RANBP2: variants seen among roughly 807,000 people sequenced by gnomAD.
RANBP2 encodes E3 SUMO-protein ligase RanBP2.
RANBP2 carries 57 observed loss-of-function variants against 303.6 expected under a neutral mutation model. That is an observed-to-expected ratio of 0.19 (90% CI 0.15 to 0.23). The LOEUF (loss-of-function observed/expected upper bound fraction) is 0.23, where lower values mean the gene tolerates loss of function less well. RANBP2 is among the 10% of genes least tolerant of loss of function. The pLI, the probability that RANBP2 is intolerant of heterozygous loss-of-function variation, is 1.00. For synonymous variants in RANBP2, 1,167 were observed against 1,301.5 expected (o/e 0.90, Z 2.23); for missense variants, 3,138 against 3,780.8 (o/e 0.83, Z 4.46).
chr2:109,430,682 T>C, the RANBP2 span, among the ~76,000 whole-genome samples: 3 of 152,210 alleles, frequency 2.0e-5, no homozygotes, highest in African/African-American at 7.2e-5. Context: ...TCCTCTATGG[T>C]GATGGGAACA....
At chr2:109,719,597 G>A in the RANBP2 span, among the ~76,000 whole-genome samples, 1 of 151,768 alleles carries the variant, frequency 6.6e-6, no homozygotes, top group Non-Finnish European at 1.5e-5. Flanking sequence ...AGTAGAGATG[G>A]GGTTTCACCG....
the RANBP2 span, among the ~76,000 whole-genome samples, chr2:109,586,917 A>C: frequency 5.3e-5 from 8 of 152,328 alleles, no homozygotes; most frequent in East Asian, 1.4e-3. Flanking sequence ...CTGTTAGAAC[A>C]AAGTTCAAGA....
the RANBP2 span, among the ~76,000 whole-genome samples, chr2:109,620,250 G>GT: frequency 2.6e-5 from 4 of 152,138 alleles, no homozygotes; most frequent in Non-Finnish European, 4.4e-5. Context: ...TATGTGAATA[G>GT]TTTTTTTATA....
the RANBP2 span, among the ~76,000 whole-genome samples, chr2:109,271,228 G>A: frequency 0.02 from 3,048 of 152,178 alleles, 92 homozygotes; most frequent in African/African-American, 0.07. Context: ...AAGCAACAGG[G>A]AACCAGGAAT....
At chr2:109,613,946 T>A in the RANBP2 span, 6 of 1,112,458 alleles carry the variant, frequency 5.4e-6, no homozygotes, top group South Asian at 4.3e-5. Context: ...GAGGCTAGGC[T>A]GCCTCCGCGA....
the RANBP2 span, among the ~76,000 whole-genome samples, chr2:108,962,698 A>ATG: frequency 7.9e-6 from 1 of 126,034 alleles, no homozygotes; most frequent in Non-Finnish European, 1.6e-5. Flanking sequence ...AAAAAAAAAA[A>ATG]AAAGAGAGAA....
At chr2:108,894,998 C>CTAA in the RANBP2 span, 1 of 150,492 alleles carries the variant, frequency 6.6e-6, no homozygotes, top group African/African-American at 2.5e-5. Flanking sequence ...CATTTGCAGT[C>CTAA]TAATTAAGGG....
the RANBP2 span, among the ~76,000 whole-genome samples, chr2:109,590,403 C>A: frequency 6.6e-6 from 1 of 151,598 alleles, no homozygotes; most frequent in African/African-American, 2.4e-5. Context: ...CCTGGTTGGG[C>A]CTGACCTAAT....
chr2:109,005,292 G>C, the RANBP2 span, among the ~76,000 whole-genome samples: 1 of 152,134 alleles, frequency 6.6e-6, no homozygotes. Context: ...TCATTCCCCT[G>C]TCCTAAGTTT....
chr2:109,257,387 AG>A, the RANBP2 span, among the ~76,000 whole-genome samples: 2 of 150,268 alleles, frequency 1.3e-5, no homozygotes, highest in Non-Finnish European at 3.0e-5. Flanking sequence ...AGGGAGAGGA[AG>A]GGAAGGAGGG....
At chr2:108,832,874 A>G in the RANBP2 span, among the ~76,000 whole-genome samples, 1 of 152,150 alleles carries the variant, frequency 6.6e-6, no homozygotes, top group Non-Finnish European at 1.5e-5. Context: ...AAGTGGAGTC[A>G]CCTGCTGTTC....
At chr2:109,284,006 TG>T in the RANBP2 span, among the ~76,000 whole-genome samples, 1 of 152,166 alleles carries the variant, frequency 6.6e-6, no homozygotes, top group African/African-American at 2.4e-5. Flanking sequence ...GAGCTTGCCC[TG>T]GGTAGGAAAG....
the RANBP2 span, among the ~76,000 whole-genome samples, chr2:109,774,505 T>TATATACATAATATATATTATATATATAAA: frequency 6.2e-5 from 2 of 32,062 alleles, no homozygotes; most frequent in Non-Finnish European, 9.1e-5. Context: ...CAAACATATA[T>TATATACATAATATATATTATATATATAAA]ATATATATAA....
At chr2:109,696,268 A>G in the RANBP2 span, among the ~76,000 whole-genome samples, 4 of 152,162 alleles carry the variant, frequency 2.6e-5, no homozygotes, top group Admixed American at 1.3e-4. Context: ...CAACCAAGAT[A>G]ATAAAGACTT....
chr2:109,255,226 C>T, the RANBP2 span, among the ~76,000 whole-genome samples: 3 of 152,116 alleles, frequency 2.0e-5, no homozygotes, highest in Non-Finnish European at 2.9e-5. Flanking sequence ...GTTGGGGCTT[C>T]GGAATAGTGC....
the RANBP2 span, among the ~76,000 whole-genome samples, chr2:109,556,938 G>C: frequency 1.6e-4 from 25 of 152,056 alleles, no homozygotes; most frequent in Non-Finnish European, 2.8e-4. Flanking sequence ...ACCAAACATG[G>C]CATGTTCTCA....
the RANBP2 span, among the ~76,000 whole-genome samples, chr2:108,943,874 T>A: frequency 4.6e-5 from 7 of 152,226 alleles, no homozygotes; most frequent in Non-Finnish European, 8.8e-5. Context: ...TCTGAGCCTA[T>A]AACCTTGCAT....
At chr2:109,012,705 G>A in the RANBP2 span, among the ~76,000 whole-genome samples, 1 of 152,186 alleles carries the variant, frequency 6.6e-6, no homozygotes, top group Admixed American at 6.5e-5. Context: ...ACGAGGTCAG[G>A]AGATCGAGAC....
chr2:109,193,044 T>C, the RANBP2 span, among the ~76,000 whole-genome samples: 1 of 152,244 alleles, frequency 6.6e-6, no homozygotes, highest in Non-Finnish European at 1.5e-5. Flanking sequence ...CAGATGTCAA[T>C]GTGCCAAGAA....
Sources: allele counts gnomAD v4.1 joint callset (sites outside exome capture counted in the v4.1 genomes callset), GRCh38; gene constraint gnomAD v4.1.1; transcripts MANE v1.5; gene names NCBI Gene and HGNC (gene_info 2026-07-23, HGNC 2026-07-21).